ZFAND3: variants seen among roughly 807,000 people sequenced by gnomAD.
The protein encoded by ZFAND3 is zinc finger AN1-type containing 3.
ZFAND3 carries 10 observed loss-of-function variants against 29.6 expected under a neutral mutation model. That is an observed-to-expected ratio of 0.34 (90% confidence interval 0.21 to 0.57). ZFAND3 has a LOEUF of 0.57. ZFAND3 is among the 20% of genes least tolerant of loss of function. The pLI is 0.86. For synonymous variants in ZFAND3, 128 were observed against 112.6 expected (o/e 1.14, Z -0.87); for missense variants, 230 against 304.5 (o/e 0.76, Z 1.82).
chr6:38,124,694 C>G (rs1765600193), intron 5 of ZFAND3, among the ~76,000 whole-genome samples: 1 of 152,190 alleles, frequency 6.6e-6, no homozygotes, highest in African/African-American at 2.4e-5. Context: ...CCTGCCCGCA[C>G]CTTTCCCTCC....
intron 2 of ZFAND3, among the ~76,000 whole-genome samples, chr6:37,932,442 T>C (rs1761616288): frequency 6.6e-6 from 1 of 152,124 alleles, no homozygotes; most frequent in Non-Finnish European, 1.5e-5. Context: ...TCTGAAATGC[T>C]CCAAAGTGCA....
chr6:37,984,702 A>G (rs1296480703), intron 2 of ZFAND3, among the ~76,000 whole-genome samples: 1 of 152,232 alleles, frequency 6.6e-6, no homozygotes, highest in Non-Finnish European at 1.5e-5. Context: ...ACATTCCAGC[A>G]TCCAGGTGTC....
At chr6:37,972,021 GT>G (rs1402678313) in intron 2 of ZFAND3, among the ~76,000 whole-genome samples, 1 of 151,576 alleles carries the variant, frequency 6.6e-6, no homozygotes, top group African/African-American at 2.4e-5. Flanking sequence ...TTTCAAAAAG[GT>G]TTTTGGTTGC....
intron 4 of ZFAND3, 36 bp from the exon 5 acceptor site, chr6:38,116,536 A>G: frequency 6.3e-7 from 1 of 1,586,530 alleles, no homozygotes; most frequent in South Asian, 1.1e-5. Flanking sequence ...CAGGCCAGGC[A>G]CTAATCCTGA....
chr6:37,938,963 T>A (rs1761752798), intron 2 of ZFAND3, among the ~76,000 whole-genome samples: 1 of 152,208 alleles, frequency 6.6e-6, no homozygotes, highest in Non-Finnish European at 1.5e-5. Flanking sequence ...TAGTTTAGTC[T>A]GTCACTTGGC....
At position 38,082,422 on chromosome 6, in the gene ZFAND3, C is replaced by T; in HGVS notation, c.326C>T (p.Ser109Leu). ...CCATGCACAGACACAGCTCATGTCT[C>T]ATTAATCACACCAACAAAAAGATCC... ...CGPCTDTAHV[S>L]LITPTKRSCG... Residue 109 changes from serine (S) to leucine (L), a missense_variant, in exon 4 of 6, where the codon TCA becomes TTA. This residue lies in a region of ZFAND3 where 180 missense variants were observed against 202.5 expected (regional missense o/e 0.89). Transcript: ENST00000287218. 1 of 1,612,244 alleles carries T rather than the reference C, an allele frequency of 6.2e-7. No homozygotes were observed. The highest frequency in any genetic ancestry group is 8.5e-7 in the Non-Finnish European group (1 of 1,178,932).
chr6:37,954,085 G>A (rs1762045295), intron 2 of ZFAND3, among the ~76,000 whole-genome samples: 1 of 152,028 alleles, frequency 6.6e-6, no homozygotes, highest in African/African-American at 2.4e-5. Context: ...TGAGAAATTT[G>A]TTGGCTTTAT....
Position 38,153,522 on chromosome 6 carries a change from T to A in ZFAND3, c.*1133T>A, listed in dbSNP as rs183152463. 6 of 985,608 alleles carry A rather than the reference T, an allele frequency of 6.1e-6. No homozygotes were observed. The East Asian group carries it at 6.8e-4, about 112-fold the overall frequency. 61.1% of individuals were successfully genotyped at this position (985,608 alleles called of 1,614,324 possible). A position where few individuals can be genotyped will look rare whatever the true frequency, so the allele number is the denominator to read the frequency against. On this transcript the variant is annotated 3_prime_UTR_variant, in exon 6 of 6. Coordinates refer to ENST00000287218, the MANE Select transcript of ZFAND3 (RefSeq NM_021943.3). ...ACGTCCCAGGGACAGTGGGTTTGGA[T>A]CTGTCTAGAACAGCGGTTTGTGGCT...
Position 37,819,842 on chromosome 6 carries a change from C to G in ZFAND3, c.-104C>G. ...CGCGCCCGCTCCTTCCCCCTCCCCCCGCCCCGAGCCCCCCGACGCCGCCGC... is the reference window on the plus strand; with the variant it reads ...CGCGCCCGCTCCTTCCCCCTCCCCCGGCCCCGAGCCCCCCGACGCCGCCGC... On this transcript the variant is annotated 5_prime_UTR_variant, in exon 1 of 6. Coordinates refer to ENST00000287218, the MANE Select transcript of ZFAND3 (RefSeq NM_021943.3). 1.3e-6 allele frequency: 1 copy of G among 752,874 alleles called. No homozygotes were observed. The highest frequency in any genetic ancestry group is 1.7e-6 in the Non-Finnish European group (1 of 587,612). 46.6% of individuals were successfully genotyped at this position (752,874 alleles called of 1,614,324 possible).
intron 3 of ZFAND3, among the ~76,000 whole-genome samples, chr6:38,073,236 A>G (rs1360555495): frequency 6.6e-6 from 1 of 151,968 alleles, no homozygotes; most frequent in African/African-American, 2.4e-5. Context: ...AAGAACATGC[A>G]CCAGTCATTT....
intron 3 of ZFAND3, among the ~76,000 whole-genome samples, chr6:38,080,559 A>C (rs963105552): frequency 6.6e-6 from 1 of 152,128 alleles, no homozygotes; most frequent in Non-Finnish European, 1.5e-5. Flanking sequence ...TGGCAGTTTT[A>C]CTATTTCCAT....
At chr6:37,870,996 C>T (rs1281004710) in intron 1 of ZFAND3, among the ~76,000 whole-genome samples, 1 of 152,170 alleles carries the variant, frequency 6.6e-6, no homozygotes, top group East Asian at 1.9e-4. Flanking sequence ...CATTGATCTC[C>T]TAGAACCTGT....
chr6:38,108,036 G>A (rs1406138425), intron 4 of ZFAND3, among the ~76,000 whole-genome samples: 8 of 152,086 alleles, frequency 5.3e-5, no homozygotes, highest in Non-Finnish European at 1.0e-4. Context: ...TGTAACACAT[G>A]AAACTTGATT....
At chr6:38,132,906 A>C (rs1765770161) in intron 5 of ZFAND3, among the ~76,000 whole-genome samples, 1 of 152,126 alleles carries the variant, frequency 6.6e-6, no homozygotes, top group South Asian at 2.1e-4. Context: ...CCTCTTCTTC[A>C]AGCCTGTTCA....
At chr6:38,096,393 G>A (rs996199856) in intron 4 of ZFAND3, among the ~76,000 whole-genome samples, 4 of 152,010 alleles carry the variant, frequency 2.6e-5, no homozygotes, top group South Asian at 2.1e-4. Flanking sequence ...GGCTGATCTC[G>A]AACTCCTGAC....
intron 2 of ZFAND3, among the ~76,000 whole-genome samples, chr6:38,056,959 T>G (rs1333706264): frequency 6.6e-6 from 1 of 152,224 alleles, no homozygotes; most frequent in Non-Finnish European, 1.5e-5. Flanking sequence ...TTGGAAAAGC[T>G]TTATTCACAT....
At chr6:37,969,243 T>A (rs528753791) in intron 2 of ZFAND3, among the ~76,000 whole-genome samples, 69 of 152,346 alleles carry the variant, frequency 4.5e-4, no homozygotes, top group African/African-American at 1.6e-3. Flanking sequence ...CATGACTGTT[T>A]ATGCTATTTG....
chr6:38,045,777 T>C (rs1460858060), intron 2 of ZFAND3, among the ~76,000 whole-genome samples: 6 of 152,280 alleles, frequency 3.9e-5, no homozygotes, highest in East Asian at 1.9e-4. Context: ...AAAATACAGA[T>C]TGAGTAGTAA....
chr6:37,932,283 A>G (rs1446968519), intron 2 of ZFAND3, among the ~76,000 whole-genome samples: 1 of 152,100 alleles, frequency 6.6e-6, no homozygotes, highest in Non-Finnish European at 1.5e-5. Context: ...ATAAATAAAT[A>G]AAAGGACTGT....
Sources: gnomAD v4.1 joint callset for allele counts (sites outside exome capture counted in the v4.1 genomes callset) on GRCh38, gnomAD v4.1.1 for gene constraint, gnomAD v4.1.1 regional missense constraint, MANE v1.5 for transcripts, NCBI Gene and HGNC (gene_info 2026-07-23, HGNC 2026-07-21) for gene names.